CERKL: variants seen among roughly 807,000 people sequenced by gnomAD.
The protein encoded by CERKL is CERK like autophagy regulator, also known as ceramide kinase-like protein.
Under a neutral mutation model 63.4 loss-of-function variants are expected in CERKL, and 61 were observed. The observed-to-expected ratio is 0.96, with a 90% CI of 0.78 to 1.19. CERKL has a LOEUF of 1.19. CERKL is among the 50% of genes most tolerant of loss of function. The pLI, the probability that CERKL is intolerant of heterozygous loss-of-function variation, is 0.00. For missense variants in CERKL, 675 were observed against 655.5 expected (o/e 1.03, Z -0.33); for synonymous variants, 250 against 230.5 (o/e 1.08, Z -0.77).
chr2:181,641,677 T>C (rs1687448477), intron 1 of CERKL, among the ~76,000 whole-genome samples: 1 of 152,158 alleles, frequency 6.6e-6, no homozygotes, highest in Non-Finnish European at 1.5e-5. Flanking sequence ...TAAACAAACA[T>C]TTTCAACTCT....
intron 1 of CERKL, among the ~76,000 whole-genome samples, chr2:181,604,287 C>T (rs565181591): frequency 6.6e-6 from 1 of 152,072 alleles, no homozygotes; most frequent in South Asian, 2.1e-4. Context: ...CAAACCTGCA[C>T]GTGTACCCCA....
At chr2:181,646,051 C>T (rs1340693897) in intron 1 of CERKL, among the ~76,000 whole-genome samples, 2 of 152,162 alleles carry the variant, frequency 1.3e-5, no homozygotes, top group South Asian at 2.1e-4. Context: ...AACATTTGTG[C>T]ACAGGTTCAA....
intron 1 of CERKL, among the ~76,000 whole-genome samples, chr2:181,635,029 T>C (rs757748940): frequency 2.6e-5 from 4 of 152,166 alleles, no homozygotes; most frequent in Non-Finnish European, 5.9e-5. Context: ...TTTTCCTAAT[T>C]GTTGGGACTC....
chr2:181,545,487 A>C (rs900192051), intron 10 of CERKL, among the ~76,000 whole-genome samples: 1 of 152,230 alleles, frequency 6.6e-6, no homozygotes, highest in Non-Finnish European at 1.5e-5. Flanking sequence ...TTCTAGCTTG[A>C]TTTCAGTGCA....
chr2:181,558,797 A>T lies in CERKL; in HGVS notation c.678-89T>A. ...ATCTAGACTTCAAAATAGTTTACTA[A>T]TTTGTAGTCTATGTGCATAACTGCT... On this transcript the variant is annotated intron_variant, in intron 4 of 12. Transcript: ENST00000410087. The surrounding 1 kb of genome is among the most constrained non-coding windows in gnomAD (Gnocchi z 4.2). 3 of 1,348,522 alleles carry T rather than the reference A, an allele frequency of 2.2e-6. No individual in the cohort carries two copies. The highest frequency in any genetic ancestry group is 3.2e-6 in the Non-Finnish European group (3 of 951,038). 83.5% of individuals were successfully genotyped at this position (1,348,522 alleles called of 1,614,324 possible).
intron 11 of CERKL, among the ~76,000 whole-genome samples, chr2:181,541,195 A>G (rs565276836): frequency 3.3e-5 from 5 of 152,338 alleles, no homozygotes; most frequent in Admixed American, 2.0e-4. Context: ...CCTTATAAGA[A>G]GAGGAAATTT....
rs1687230063 is a variant in CERKL, at chr2:181,537,741, A to G, written c.*443T>C. 2.3e-6 allele frequency: 1 copy of G among 442,178 alleles called. No individual in the cohort carries two copies. Among genetic ancestry groups the G allele is most frequent in the African/African-American group, 2.0e-5 (1 of 49,400 alleles). The allele number at this position is 442,178 out of a possible 1,614,324, so 27.4% of individuals were successfully genotyped here. On this transcript the variant is annotated 3_prime_UTR_variant, in exon 13 of 13. Coordinates refer to ENST00000410087, the MANE Select transcript of CERKL (RefSeq NM_201548.5). ...TTGTGTGTCCAATAAACACATTGTA[A>G]AAAAAAGAATTTGAATTGATATCTA... is the stretch of plus-strand genomic sequence containing the variant.
At chr2:181,631,702 C>G (rs1478641521) in intron 1 of CERKL, among the ~76,000 whole-genome samples, 1 of 152,214 alleles carries the variant, frequency 6.6e-6, no homozygotes, top group African/African-American at 2.4e-5. Flanking sequence ...CCCCTTTTAC[C>G]ACCCACCCTG....
Position 181,537,088 on chromosome 2 carries a change from T to C in CERKL, c.*1096A>G, listed in dbSNP as rs1217316697. The C allele has an allele frequency of 6.6e-6, 3 of 451,588 alleles. No individual in the cohort carries two copies. The highest frequency in any genetic ancestry group is 1.6e-5 in the South Asian group (1 of 64,158). The allele number at this position is 451,588 out of a possible 1,614,324, so 28.0% of individuals were successfully genotyped here. A position where few individuals can be genotyped will look rare whatever the true frequency, so the allele number is the denominator to read the frequency against. On this transcript the variant is annotated 3_prime_UTR_variant, in exon 13 of 13. Transcript: ENST00000410087. ...AAACCTCCTGAACCCAGAGTGTGTA[T>C]ACACAGGAATAAACTTTATGACATT...
intron 11 of CERKL, among the ~76,000 whole-genome samples, chr2:181,543,569 G>A (rs760862806): frequency 3.3e-5 from 5 of 152,262 alleles, no homozygotes; most frequent in Admixed American, 1.3e-4. Flanking sequence ...GGCAAAAATG[G>A]AGAGACTTGC....
At chr2:181,549,966 C>A (rs1333205552) in intron 5 of CERKL, among the ~76,000 whole-genome samples, 2 of 152,128 alleles carry the variant, frequency 1.3e-5, no homozygotes, top group East Asian at 3.8e-4. Context: ...CCGCTTACAG[C>A]TTTTTTGATC....
At chr2:181,606,597 G>A (rs537318320) in intron 1 of CERKL, among the ~76,000 whole-genome samples, 4 of 147,922 alleles carry the variant, frequency 2.7e-5, no homozygotes, top group African/African-American at 7.5e-5. Context: ...AAGAGGGAAC[G>A]GAAAGGCCTT....
chr2:181,603,789 A>G (rs1685555105), intron 2 of CERKL, 48 bp downstream of exon 2: 18 of 1,580,602 alleles, frequency 1.1e-5, no homozygotes, highest in Non-Finnish European at 1.5e-5. Context: ...TTAATCATGT[A>G]TATCAAGGAA....
Position 181,536,838 on chromosome 2 carries a change from G to A in CERKL, c.*1346C>T, listed in dbSNP as rs769758552. ...GCAGAATATCATTTTATCTGACTCT[G>A]CCTTCATAAGAGAGCTGTGGCCGAA... On this transcript the variant is annotated 3_prime_UTR_variant, in exon 13 of 13. Transcript: ENST00000410087. The A allele has an allele frequency of 5.2e-6, 2 of 386,428 alleles. No homozygotes were observed. The highest frequency in any genetic ancestry group is 2.1e-5 in the African/African-American group (1 of 47,992). 23.9% of individuals were successfully genotyped at this position (386,428 alleles called of 1,614,324 possible).
intron 1 of CERKL, among the ~76,000 whole-genome samples, chr2:181,654,616 C>A (rs1688077242): frequency 6.6e-6 from 1 of 152,238 alleles, no homozygotes. Flanking sequence ...CCCCCCACCA[C>A]ATCCTACCAT....
intron 5 of CERKL, among the ~76,000 whole-genome samples, chr2:181,556,282 G>A (rs990347225): frequency 1.3e-5 from 2 of 151,906 alleles, no homozygotes; most frequent in Non-Finnish European, 1.5e-5. Context: ...TAGGGTACAT[G>A]TGCACAATGT....
At chr2:181,545,829 C>A (rs1482863701) in intron 10 of CERKL, among the ~76,000 whole-genome samples, 4 of 152,146 alleles carry the variant, frequency 2.6e-5, no homozygotes, top group Non-Finnish European at 5.9e-5. Context: ...CTATCCTATG[C>A]CTGCTTTGCA....
intron 1 of CERKL, among the ~76,000 whole-genome samples, chr2:181,620,001 C>T (rs1006474642): frequency 2.0e-5 from 3 of 152,108 alleles, no homozygotes; most frequent in Non-Finnish European, 4.4e-5. Context: ...GTTTGAATAC[C>T]TACTACATTC....
At chr2:181,596,442 A>C (rs1389460677) in intron 2 of CERKL, among the ~76,000 whole-genome samples, 1 of 152,138 alleles carries the variant, frequency 6.6e-6, no homozygotes, top group Non-Finnish European at 1.5e-5. Context: ...CTGAAGAGCT[A>C]ATTGCTTTTA....
Sources: allele counts gnomAD v4.1 joint callset (sites outside exome capture counted in the v4.1 genomes callset), GRCh38; gene constraint gnomAD v4.1.1; non-coding constraint Gnocchi (gnomAD v3.1); transcripts MANE v1.5; gene names NCBI Gene and HGNC (gene_info 2026-07-23, HGNC 2026-07-21).